Variants in ADAM18 observed in about 807,000 individuals in gnomAD.
ADAM18 encodes ADAM metallopeptidase domain 18.
ADAM18 carries 117 observed loss-of-function variants against 94.4 expected under a neutral mutation model. The ratio of observed to expected loss-of-function variants is 1.24; its 90% CI spans 1.07 to 1.45. The LOEUF (loss-of-function observed/expected upper bound fraction) is 1.45, where lower values mean the gene tolerates loss of function less well. Among genes scored for constraint, ADAM18 ranks in the 40% most tolerant of loss-of-function variants. ADAM18 has a pLI of 0.00. For missense variants in ADAM18, 936 were observed against 880.0 expected (o/e 1.06, Z -0.81); for synonymous variants, 327 against 291.6 (o/e 1.12, Z -1.24).
chr8:39,594,323 A>G (rs1378361519), intron 2 of ADAM18, among the ~76,000 whole-genome samples: 2 of 152,194 alleles, frequency 1.3e-5, no homozygotes, highest in Non-Finnish European at 2.9e-5. Flanking sequence ...TAAGTGTAAT[A>G]ATTTTTGCCT....
intron 18 of ADAM18, among the ~76,000 whole-genome samples, chr8:39,711,296 T>C (rs1822389474): frequency 6.6e-6 from 1 of 152,138 alleles, no homozygotes; most frequent in Non-Finnish European, 1.5e-5. Context: ...GATGAGGAGA[T>C]AATCAGAGTT....
chr8:39,590,003 C>T (rs1818525066), intron 2 of ADAM18, among the ~76,000 whole-genome samples: 1 of 148,962 alleles, frequency 6.7e-6, no homozygotes, highest in Non-Finnish European at 1.5e-5. Context: ...TAAACTAGTT[C>T]AACCATTGTG....
In ADAM18 at chr8:39,609,029, C is replaced by A; in HGVS notation, c.189-13C>A. 1 of 1,427,144 alleles carries A rather than the reference C, an allele frequency of 7.0e-7. No individual in the cohort carries two copies. Among genetic ancestry groups the A allele is most frequent in the Admixed American group, 2.1e-5 (1 of 46,944 alleles). The allele number at this position is 1,427,144 out of a possible 1,614,324, so 88.4% of individuals were successfully genotyped here. ...TATGATTCATACTTTTTTATTATTT[C>A]TTGGTTTTTTAGATCATTCTTACCC... On this transcript the variant is annotated splice_polypyrimidine_tract_variant and intron_variant, in intron 3 of 19. Coordinates refer to ENST00000265707, the MANE Select transcript of ADAM18 (RefSeq NM_014237.3).
chr8:39,589,256 C>T (rs889300324), intron 2 of ADAM18, among the ~76,000 whole-genome samples: 1 of 152,142 alleles, frequency 6.6e-6, no homozygotes, highest in Non-Finnish European at 1.5e-5. Flanking sequence ...GCTGCTTTCC[C>T]CTTTCTTATT....
At position 39,588,964 on chromosome 8, in the gene ADAM18, C is replaced by T. The variant is rs549908743; in HGVS notation, c.132+3612C>T. On this transcript the variant is annotated intron_variant, in intron 2 of 19. Coordinates refer to ENST00000265707, the MANE Select transcript of ADAM18 (RefSeq NM_014237.3). ...ATCTTAGTAAGTCTTATCTAGGGCACGGGAAGACCAGAACATTCCTAAATC... is the reference window on the plus strand; with the variant it reads ...ATCTTAGTAAGTCTTATCTAGGGCATGGGAAGACCAGAACATTCCTAAATC... Among the ~76,000 whole-genome samples the T allele has an allele frequency of 8.5e-5, 13 of 152,226 alleles. No individual in the cohort carries two copies. The East Asian group carries it at 1.4e-3, about 16-fold the overall frequency.
intron 7 of ADAM18, among the ~76,000 whole-genome samples, chr8:39,632,418 A>T (rs550878443): frequency 2.0e-5 from 3 of 152,132 alleles, no homozygotes; most frequent in South Asian, 4.1e-4. Context: ...GATTTTTGTC[A>T]TGGATAGCTG....
Position 39,680,191 on chromosome 8 carries a change from T to C in ADAM18, c.1786T>C (p.Tyr596His). Residue 596 changes from tyrosine (Y) to histidine (H), a missense_variant, in exon 16 of 20, where the codon TAT becomes CAT. By Grantham distance (83) the Tyr-to-His change is moderately conservative. Transcript: ENST00000265707. ...GAGATCAGATGGAACAGACAATGCC[T>C]ATGTGGCTGATGGCACCATGTGTGG... ...SMRSDGTDNA[Y>H]VADGTMCGPE... The C allele has an allele frequency of 6.2e-6, 10 of 1,613,556 alleles. No individual in the cohort carries two copies. Among genetic ancestry groups the C allele is most frequent in the Non-Finnish European group, 8.5e-6 (10 of 1,179,786 alleles).
intron 12 of ADAM18, among the ~76,000 whole-genome samples, chr8:39,661,677 T>C (rs955584798): frequency 6.6e-6 from 1 of 152,026 alleles, no homozygotes; most frequent in Non-Finnish European, 1.5e-5. Context: ...TTTTAAGGCT[T>C]ATAGCTTTAC....
At chr8:39,658,266 C>T (rs1296188731) in intron 12 of ADAM18, among the ~76,000 whole-genome samples, 2 of 152,128 alleles carry the variant, frequency 1.3e-5, no homozygotes, top group Admixed American at 1.3e-4. Flanking sequence ...ATCCTTGAAC[C>T]TGTGTGCATG....
chr8:39,727,590 AAC>A (rs1822953140), intron 19 of ADAM18, among the ~76,000 whole-genome samples: 1 of 152,204 alleles, frequency 6.6e-6, no homozygotes, highest in Non-Finnish European at 1.5e-5. Flanking sequence ...GCCAAGGCGT[AAC>A]ACACATGACC....
At chr8:39,619,434 A>G (rs1254347634) in intron 6 of ADAM18, among the ~76,000 whole-genome samples, 1 of 152,224 alleles carries the variant, frequency 6.6e-6, no homozygotes, top group Non-Finnish European at 1.5e-5. Flanking sequence ...ACAAGTCTTA[A>G]CAAAGTTTTT....
intron 1 of ADAM18, 85 bp downstream of exon 1, chr8:39,584,762 G>A: frequency 1.3e-6 from 2 of 1,496,118 alleles, no homozygotes; most frequent in East Asian, 2.3e-5. Flanking sequence ...GTCATTCTGG[G>A]ACCCTCCCCC....
chr8:39,626,774 T>A lies in ADAM18; in HGVS notation c.523-2600T>A, dbSNP rs140103954. On this transcript the variant is annotated intron_variant, in intron 6 of 19. Transcript: ENST00000265707. ...CCACTGTGTCTGAGAAGATACTTGATATAATTTTGATTTTTAAAAAATTTA... is the reference window on the plus strand; with the variant it reads ...CCACTGTGTCTGAGAAGATACTTGAAATAATTTTGATTTTTAAAAAATTTA... Among the ~76,000 whole-genome samples, 767 of 152,302 alleles carry A rather than the reference T, an allele frequency of 5.0e-3. 4 individuals are homozygous for A. The highest frequency in any genetic ancestry group is 8.3e-3 in the Non-Finnish European group (562 of 68,012).
chr8:39,670,244 C>T (rs1395007248), intron 14 of ADAM18, among the ~76,000 whole-genome samples: 1 of 152,024 alleles, frequency 6.6e-6, no homozygotes, highest in Non-Finnish European at 1.5e-5. Flanking sequence ...CTGATTGCAA[C>T]AGAATGTTTA....
Position 39,667,832 on chromosome 8 carries a change from C to G in ADAM18, c.1327-166C>G, listed in dbSNP as rs111316876. ...TTGAGACAGTTTTCTCTGGGCTTCACAATGAATACTGTATTTGATTTTTTT... is the reference window on the plus strand; with the variant it reads ...TTGAGACAGTTTTCTCTGGGCTTCAGAATGAATACTGTATTTGATTTTTTT... On this transcript the variant is annotated intron_variant, in intron 13 of 19. Transcript: ENST00000265707. Among the ~76,000 whole-genome samples, 5 of 152,316 alleles carry G rather than the reference C, an allele frequency of 3.3e-5. 1 individual carries two copies. The highest frequency in any genetic ancestry group is 1.2e-4 in the African/African-American group (5 of 41,584).
chr8:39,645,392 G>A lies in ADAM18; in HGVS notation c.964G>A (p.Gly322Ser), dbSNP rs1295329849. The change falls in exon 11 of 20, where the codon GGC (glycine) becomes AGC (serine). Residue 322 changes from glycine to serine, a missense_variant. Transcript: ENST00000265707. ...TTCGGTTATTATAGCTCAACTGCTT[G>A]GCCTTAATGTAGGATTAACATATGA... ...GFSVIIAQLL[G>S]LNVGLTYDDI... 2 of 1,612,286 alleles carry A rather than the reference G, an allele frequency of 1.2e-6. No homozygotes were observed. The highest frequency in any genetic ancestry group is 2.7e-5 in the African/African-American group (2 of 74,796).
chr8:39,599,809 C>CT (rs572496548), intron 2 of ADAM18, among the ~76,000 whole-genome samples: 76 of 151,612 alleles, frequency 5.0e-4, no homozygotes, highest in African/African-American at 1.8e-3. Context: ...GTTCTAGCAA[C>CT]TTTTTTCATA....
chr8:39,641,200 C>A (rs1041605428), intron 10 of ADAM18, among the ~76,000 whole-genome samples: 7 of 151,972 alleles, frequency 4.6e-5, no homozygotes, highest in African/African-American at 1.7e-4. Context: ...AGGAAGGGGT[C>A]CAGTTTCATT....
At chr8:39,667,910 A>G in intron 13 of ADAM18, 88 bp from the exon 14 acceptor site, 7 of 1,343,278 alleles carry the variant, frequency 5.2e-6, no homozygotes, top group Admixed American at 1.9e-5. Flanking sequence ...ATCAATAATT[A>G]GAAACATTTT....
Sources: allele counts gnomAD v4.1 joint callset (sites outside exome capture counted in the v4.1 genomes callset), GRCh38; gene constraint gnomAD v4.1.1; transcripts MANE v1.5; gene names NCBI Gene and HGNC (gene_info 2026-07-23, HGNC 2026-07-21).